The following TAF4 variants were observed in gnomAD, a reference collection of about 807,000 sequenced individuals.
The protein encoded by TAF4 is transcription initiation factor TFIID subunit 4.
In TAF4, 9 loss-of-function variants were observed where a neutral mutation model predicts 90.3. The observed-to-expected ratio is 0.10, with a 90% confidence interval of 0.06 to 0.17. The LOEUF (loss-of-function observed/expected upper bound fraction) is 0.17. TAF4 is among the 10% of genes least tolerant of loss of function. The probability of loss-of-function intolerance (pLI) is 1.00; values close to 1 mark genes in which losing one functional copy is unlikely to be tolerated. For synonymous variants in TAF4, 818 were observed against 638.9 expected (o/e 1.28, Z -4.23); for missense variants, 1,351 against 1,370.7 (o/e 0.99, Z 0.23).
intron 9 of TAF4, among the ~76,000 whole-genome samples, chr20:62,002,674 G>C (rs1157045759): frequency 6.6e-6 from 1 of 152,122 alleles, no homozygotes; most frequent in African/African-American, 2.4e-5. Flanking sequence ...ATTTTTTGTT[G>C]TTGTTGAGTA....
intron 1 of TAF4, among the ~76,000 whole-genome samples, chr20:62,023,625 G>C (rs2055856453): frequency 6.6e-6 from 1 of 150,766 alleles, no homozygotes; most frequent in African/African-American, 2.4e-5. Flanking sequence ...GCGCACACCT[G>C]TAATCCCAGC....
At chr20:62,047,208 G>A (rs952871659) in intron 1 of TAF4, among the ~76,000 whole-genome samples, 5 of 152,124 alleles carry the variant, frequency 3.3e-5, no homozygotes, top group African/African-American at 9.7e-5. Flanking sequence ...GACAACTTCA[G>A]TGTCACTATG....
At chr20:62,031,489 CAT>C (rs2055904093) in intron 1 of TAF4, among the ~76,000 whole-genome samples, 2 of 152,328 alleles carry the variant, frequency 1.3e-5, no homozygotes, top group South Asian at 2.1e-4. Context: ...ACAATTTTAA[CAT>C]GTGCTCTTTC....
At chr20:62,029,479 C>T (rs978424470) in intron 1 of TAF4, among the ~76,000 whole-genome samples, 119 of 133,016 alleles carry the variant, frequency 8.9e-4, no homozygotes, top group African/African-American at 3.6e-3. Context: ...CCCACGTGCG[C>T]GCGCGCGCAC....
chr20:62,003,051 C>T (rs566910757), intron 9 of TAF4, 109 bp downstream of exon 9: 84 of 844,236 alleles, frequency 9.9e-5, no homozygotes, highest in Non-Finnish European at 1.4e-4. Flanking sequence ...GAGCCCCGGC[C>T]GCCAGGGCCA....
chr20:62,031,044 G>T (rs528250991), intron 1 of TAF4, among the ~76,000 whole-genome samples: 8 of 152,198 alleles, frequency 5.3e-5, no homozygotes, highest in Non-Finnish European at 1.2e-4. Flanking sequence ...TTTTCTCCAC[G>T]GCTTTAGGTG....
At chr20:61,981,829 G>A (rs933139767) in intron 14 of TAF4, among the ~76,000 whole-genome samples, 6 of 124,484 alleles carry the variant, frequency 4.8e-5, no homozygotes, top group East Asian at 5.1e-4. Flanking sequence ...CACACCCACC[G>A]GAGAGGAGAC....
Position 62,065,786 on chromosome 20 carries a change from C to A in TAF4, c.25G>T (p.Asp9Tyr). The A allele has an allele frequency of 7.5e-7, 1 of 1,328,218 alleles. No homozygotes were observed. Among genetic ancestry groups the A allele is most frequent in the Non-Finnish European group, 9.8e-7 (1 of 1,019,956 alleles). 82.3% of individuals were successfully genotyped at this position (1,328,218 alleles called of 1,614,324 possible). A position where few individuals can be genotyped will look rare whatever the true frequency, so the allele number is the denominator to read the frequency against. MAAGSDLL[D>Y]EVFFNSEVDE... ...ACCTCGCTGTTGAAGAAGACCTCGT[C>A]CAGCAGATCCGAGCCCGCCGCCATC... The change falls in exon 1 of 15, where the codon GAC becomes TAC. Residue 9 changes from aspartate (D) to tyrosine (Y), a missense_variant. By Grantham distance (160) the Asp-to-Tyr change is radical. This residue lies in a region of TAF4 where 782 missense variants were observed against 536.6 expected (regional missense o/e 1.46). Transcript: ENST00000252996.
At chr20:62,044,329 T>C (rs965015736) in intron 1 of TAF4, among the ~76,000 whole-genome samples, 3 of 152,188 alleles carry the variant, frequency 2.0e-5, no homozygotes, top group Non-Finnish European at 2.9e-5. Flanking sequence ...GCTACATTAG[T>C]TATAATAGGA....
chr20:61,986,052 G>A (rs1289353117), intron 14 of TAF4, among the ~76,000 whole-genome samples: 5 of 112,496 alleles, frequency 4.4e-5, no homozygotes, highest in Admixed American at 1.8e-4. Flanking sequence ...CCCCATCAAA[G>A]GAAACACCAT....
chr20:62,032,983 G>A (rs544417438), intron 1 of TAF4, among the ~76,000 whole-genome samples: 2 of 152,262 alleles, frequency 1.3e-5, no homozygotes, highest in South Asian at 2.1e-4. Context: ...CTGGCTTCTC[G>A]AAGGAAGCAG....
intron 3 of TAF4, chr20:62,012,214 G>C (rs916122986): frequency 2.0e-5 from 3 of 152,478 alleles, no homozygotes; most frequent in African/African-American, 7.2e-5. Flanking sequence ...ACAGACGAGG[G>C]ATGTGAGCGG....
chr20:62,019,661 TC>T (rs1040046055), intron 1 of TAF4, among the ~76,000 whole-genome samples: 6 of 152,034 alleles, frequency 3.9e-5, no homozygotes, highest in African/African-American at 1.2e-4. Flanking sequence ...GACCAGTGCC[TC>T]CCCCAGAGCC....
intron 1 of TAF4, among the ~76,000 whole-genome samples, chr20:62,032,341 C>T (rs1325370034): frequency 6.6e-6 from 1 of 152,236 alleles, no homozygotes; most frequent in Admixed American, 6.5e-5. Flanking sequence ...CTTCTCTAAC[C>T]TAAAGTCTAC....
intron 1 of TAF4, chr20:62,037,802 G>C (rs1249424499): frequency 2.7e-5 from 6 of 220,454 alleles, no homozygotes; most frequent in Non-Finnish European, 4.8e-5. Flanking sequence ...TTTCTATAAA[G>C]GGACGTCTTT....
At chr20:61,983,962 T>A (rs140469945) in intron 14 of TAF4, among the ~76,000 whole-genome samples, 1 of 152,238 alleles carries the variant, frequency 6.6e-6, no homozygotes, top group Non-Finnish European at 1.5e-5. Flanking sequence ...AAGTCACAGC[T>A]GCCAATGAAG....
At chr20:62,023,997 G>A (rs1011317021) in intron 1 of TAF4, among the ~76,000 whole-genome samples, 23 of 152,068 alleles carry the variant, frequency 1.5e-4, no homozygotes, top group Admixed American at 2.6e-4. Context: ...AAGACTGCTT[G>A]AGCCCGGGAC....
intron 1 of TAF4, among the ~76,000 whole-genome samples, chr20:62,045,192 C>T (rs2145506618): frequency 6.6e-6 from 1 of 152,348 alleles, no homozygotes; most frequent in East Asian, 1.9e-4. Context: ...AACGGAATCC[C>T]ATCGGGATGC....
intron 1 of TAF4, among the ~76,000 whole-genome samples, chr20:62,018,430 G>A (rs544730496): frequency 1.4e-4 from 22 of 152,362 alleles, no homozygotes; most frequent in African/African-American, 3.1e-4. Flanking sequence ...GTGCAACTCC[G>A]TCTCAAGACA....
Sources: gnomAD v4.1 joint callset for allele counts (sites outside exome capture counted in the v4.1 genomes callset) on GRCh38, gnomAD v4.1.1 for gene constraint, gnomAD v4.1.1 regional missense constraint, MANE v1.5 for transcripts, NCBI Gene and HGNC (gene_info 2026-07-23, HGNC 2026-07-21) for gene names.